Variants in MSH4 observed in about 807,000 individuals in gnomAD.
The protein encoded by MSH4 is mutS homolog 4, also known as mutS protein homolog 4.
Under a neutral mutation model 113.7 loss-of-function variants are expected in MSH4, and 106 were observed. The ratio of observed to expected loss-of-function variants is 0.93; its 90% CI spans 0.80 to 1.10. The LOEUF (loss-of-function observed/expected upper bound fraction) is 1.10. MSH4 is among the 50% of genes least tolerant of loss of function. The pLI, the probability that MSH4 is intolerant of heterozygous loss-of-function variation, is 0.00. For missense variants in MSH4, 1,061 were observed against 1,093.7 expected (o/e 0.97, Z 0.42); for synonymous variants, 368 against 380.2 (o/e 0.97, Z 0.37).
At chr1:75,838,452 T>G (rs1014431204) in intron 7 of MSH4, among the ~76,000 whole-genome samples, 6 of 152,156 alleles carry the variant, frequency 3.9e-5, no homozygotes, top group Non-Finnish European at 8.8e-5. Flanking sequence ...AAACTTCCTT[T>G]TATCAGTTAA....
chr1:75,910,386 C>T (rs1488846687), intron 19 of MSH4, among the ~76,000 whole-genome samples: 1 of 151,880 alleles, frequency 6.6e-6, no homozygotes, highest in Admixed American at 6.6e-5. Flanking sequence ...ATTCTCCTAC[C>T]TGTTTGATTA....
intron 8 of MSH4, among the ~76,000 whole-genome samples, chr1:75,860,667 C>T (rs1049754077): frequency 2.6e-5 from 4 of 152,156 alleles, no homozygotes; most frequent in African/African-American, 9.7e-5. Context: ...TTGTGGGTAA[C>T]CTGACCTTTC....
intron 8 of MSH4, among the ~76,000 whole-genome samples, chr1:75,855,459 T>C (rs2100551692): frequency 6.6e-6 from 1 of 152,366 alleles, no homozygotes; most frequent in Middle Eastern, 3.4e-3. Flanking sequence ...TTTAGGGCCA[T>C]GCTCTCTCTG....
At chr1:75,807,166 T>C (rs749200654) in intron 3 of MSH4, 25 bp downstream of exon 3, 5 of 1,497,832 alleles carry the variant, frequency 3.3e-6, no homozygotes, top group Non-Finnish European at 3.5e-6. Flanking sequence ...TTCTAGAAAA[T>C]GGTTGCTCTG....
At chr1:75,804,352 G>A (rs967814148) in intron 2 of MSH4, among the ~76,000 whole-genome samples, 1 of 151,880 alleles carries the variant, frequency 6.6e-6, no homozygotes, top group Non-Finnish European at 1.5e-5. Context: ...GAATTTCTTG[G>A]TTACAGGGTA....
chr1:75,906,815 T>A (rs1652667434), intron 19 of MSH4, among the ~76,000 whole-genome samples: 1 of 149,806 alleles, frequency 6.7e-6, no homozygotes, highest in Non-Finnish European at 1.5e-5. Context: ...TAGTTACTAT[T>A]TTCATAAACG....
intron 8 of MSH4, among the ~76,000 whole-genome samples, chr1:75,856,247 T>A (rs976969392): frequency 6.6e-6 from 1 of 152,148 alleles, no homozygotes; most frequent in Non-Finnish European, 1.5e-5. Context: ...GCCATAAGGT[T>A]TTAAAGGGTC....
At chr1:75,850,755 C>G (rs1309636327) in intron 8 of MSH4, among the ~76,000 whole-genome samples, 1 of 151,808 alleles carries the variant, frequency 6.6e-6, no homozygotes, top group Non-Finnish European at 1.5e-5. Flanking sequence ...TCTATTTGTT[C>G]TATCAGTTAT....
intron 14 of MSH4, among the ~76,000 whole-genome samples, chr1:75,882,443 T>G (rs1651953920): frequency 6.6e-6 from 1 of 152,054 alleles, no homozygotes; most frequent in African/African-American, 2.4e-5. Flanking sequence ...CCACTTCAGG[T>G]GGTATCCATA....
intron 19 of MSH4, among the ~76,000 whole-genome samples, chr1:75,903,605 T>C (rs1248930317): frequency 1.3e-5 from 2 of 152,128 alleles, no homozygotes; most frequent in Non-Finnish European, 2.9e-5. Context: ...ATCTATAGAT[T>C]ACATTGAATA....
intron 6 of MSH4, among the ~76,000 whole-genome samples, chr1:75,821,583 C>T (rs1650412726): frequency 6.6e-6 from 1 of 152,108 alleles, no homozygotes; most frequent in East Asian, 1.9e-4. Context: ...AATAGAGACA[C>T]AAAAATCCCT....
At chr1:75,905,248 A>T (rs80234577) in intron 19 of MSH4, among the ~76,000 whole-genome samples, 3 of 149,924 alleles carry the variant, frequency 2.0e-5, no homozygotes, top group African/African-American at 4.9e-5. Flanking sequence ...TTAGTATGTC[A>T]TGTATTTTTT....
chr1:75,890,221 T>G lies in MSH4; in HGVS notation c.2227-475T>G, dbSNP rs182452564. On this transcript the variant is annotated intron_variant, in intron 16 of 19. Coordinates refer to ENST00000263187, the MANE Select transcript of MSH4 (RefSeq NM_002440.4). ...CATTGGTCATGGATTTAAATTTATT[T>G]GTTAAACCAAGAATCAAGACTTAGG... Among the ~76,000 whole-genome samples, 47 of 152,206 alleles carry G rather than the reference T, an allele frequency of 3.1e-4. No homozygotes were observed. In the East Asian group the frequency reaches 8.7e-3, roughly 28 times the overall value.
intron 1 of MSH4, among the ~76,000 whole-genome samples, chr1:75,798,175 TG>T (rs1458840911): frequency 6.6e-6 from 1 of 152,220 alleles, no homozygotes; most frequent in African/African-American, 2.4e-5. Flanking sequence ...CTGCCCATGC[TG>T]GTCTCAAACT....
At chr1:75,883,996 T>C (rs1459214806) in intron 15 of MSH4, among the ~76,000 whole-genome samples, 175 bp downstream of exon 15, 2 of 152,200 alleles carry the variant, frequency 1.3e-5, no homozygotes, top group East Asian at 3.8e-4. Flanking sequence ...CTATTTGATA[T>C]TTATTAAGCT....
intron 2 of MSH4, among the ~76,000 whole-genome samples, chr1:75,804,197 A>G (rs1557488562): frequency 6.6e-6 from 1 of 152,158 alleles, no homozygotes; most frequent in Admixed American, 6.5e-5. Flanking sequence ...TGGCATTTAA[A>G]TCTAAAAGTT....
intron 7 of MSH4, among the ~76,000 whole-genome samples, chr1:75,844,653 A>T (rs1651038017): frequency 6.6e-6 from 1 of 152,218 alleles, no homozygotes; most frequent in Non-Finnish European, 1.5e-5. Flanking sequence ...TTTTAAAAAA[A>T]TACCTGGGGA....
At chr1:75,872,986 C>T (rs1181161479) in intron 9 of MSH4, among the ~76,000 whole-genome samples, 1 of 152,178 alleles carries the variant, frequency 6.6e-6, no homozygotes, top group African/African-American at 2.4e-5. Flanking sequence ...TTAAGGATGC[C>T]AAGGACAGAA....
At chr1:75,838,316 T>C (rs946928884) in intron 7 of MSH4, among the ~76,000 whole-genome samples, 1 of 152,164 alleles carries the variant, frequency 6.6e-6, no homozygotes, top group Non-Finnish European at 1.5e-5. Flanking sequence ...TTTGTACTTA[T>C]ATCTTCTCTC....
Sources: gnomAD v4.1 joint callset for allele counts (sites outside exome capture counted in the v4.1 genomes callset) on GRCh38, gnomAD v4.1.1 for gene constraint, MANE v1.5 for transcripts, NCBI Gene and HGNC (gene_info 2026-07-23, HGNC 2026-07-21) for gene names.